Variants in ZFHX3 observed in about 807,000 individuals in gnomAD.
ZFHX3 encodes zinc finger homeobox protein 3.
Under a neutral mutation model 279.1 loss-of-function variants are expected in ZFHX3, and 42 were observed. That is an observed-to-expected ratio of 0.15 (90% CI 0.12 to 0.19). The LOEUF (loss-of-function observed/expected upper bound fraction) is 0.19. Among genes scored for constraint, ZFHX3 ranks in the 10% least tolerant of loss-of-function variants. The pLI, the probability that ZFHX3 is intolerant of heterozygous loss-of-function variation, is 1.00. For synonymous variants in ZFHX3, 2,293 were observed against 1,957.8 expected, an observed-to-expected ratio of 1.17 and a Z score of -4.52; for missense variants, 4,981 against 4,754.0, an observed-to-expected ratio of 1.05 and a Z score of -1.40.
intron 3 of ZFHX3, among the ~76,000 whole-genome samples, chr16:72,903,076 T>G (rs886592081): frequency 4.8e-5 from 7 of 145,700 alleles, no homozygotes; most frequent in Non-Finnish European, 1.1e-4. Flanking sequence ...GAGAGGGCTC[T>G]ATGGGGAACC....
chr16:72,926,167 T>C (rs186592936), intron 3 of ZFHX3, among the ~76,000 whole-genome samples: 8 of 152,358 alleles, frequency 5.3e-5, no homozygotes, highest in African/African-American at 1.9e-4. Context: ...TTATGGGTCA[T>C]GATTATTCTA....
At chr16:73,839,399 T>C (rs192970651) in intron 1 of ZFHX3, among the ~76,000 whole-genome samples, 13 of 143,364 alleles carry the variant, frequency 9.1e-5, no homozygotes, top group African/African-American at 3.4e-4. Context: ...ATTGAGATTA[T>C]GCTTTGGAGT....
intron 4 of ZFHX3, among the ~76,000 whole-genome samples, chr16:72,844,823 T>C (rs1158126327): frequency 6.6e-6 from 1 of 152,138 alleles, no homozygotes; most frequent in Non-Finnish European, 1.5e-5. Flanking sequence ...TGGCTCTGTG[T>C]CGAATGAGAG....
chr16:72,888,817 G>C (rs977793275), intron 4 of ZFHX3, among the ~76,000 whole-genome samples: 3 of 152,220 alleles, frequency 2.0e-5, no homozygotes, highest in Non-Finnish European at 4.4e-5. Context: ...GTAGGAGGTT[G>C]AGACATGGAA....
intron 3 of ZFHX3, chr16:73,455,987 C>T (rs1308562727): frequency 6.6e-6 from 1 of 152,106 alleles, no homozygotes. Flanking sequence ...GAACCCGAAG[C>T]AGAAATATCC....
At chr16:73,315,775 C>A (rs2015431742) in intron 4 of ZFHX3, among the ~76,000 whole-genome samples, 1 of 152,220 alleles carries the variant, frequency 6.6e-6, no homozygotes, top group Non-Finnish European at 1.5e-5. Context: ...TATGCATCAA[C>A]ATACACTCAA....
chr16:73,538,966 T>C (rs1475433205), intron 2 of ZFHX3, among the ~76,000 whole-genome samples: 2 of 152,102 alleles, frequency 1.3e-5, no homozygotes, highest in Non-Finnish European at 2.9e-5. Flanking sequence ...GCAGAAACAA[T>C]ACCTGTAACA....
At chr16:73,248,672 C>A (rs1016864327) in intron 5 of ZFHX3, among the ~76,000 whole-genome samples, 5 of 132,006 alleles carry the variant, frequency 3.8e-5, no homozygotes, top group Middle Eastern at 3.6e-3. Context: ...TGTGCACGTG[C>A]ACGTGTGTGT....
intron 1 of ZFHX3, among the ~76,000 whole-genome samples, chr16:72,968,179 A>C (rs1370065038): frequency 6.6e-6 from 1 of 151,954 alleles, no homozygotes; most frequent in Non-Finnish European, 1.5e-5. Context: ...TGTTCCTGTC[A>C]AAAACGCACA....
chr16:73,781,830 T>C (rs146240912), intron 1 of ZFHX3, among the ~76,000 whole-genome samples: 4,529 of 152,098 alleles, frequency 0.03, 246 homozygotes, highest in African/African-American at 0.1. Flanking sequence ...CTACTAAAAA[T>C]ACAAAAATTA....
chr16:73,325,483 G>A, intron 3 of ZFHX3, among the ~76,000 whole-genome samples: 1 of 152,178 alleles, frequency 6.6e-6, no homozygotes, highest in East Asian at 1.9e-4. Flanking sequence ...GCTTTCCACA[G>A]GGGAGGTGGC....
At chr16:72,850,905 A>T (rs1374746495) in intron 4 of ZFHX3, among the ~76,000 whole-genome samples, 1 of 152,020 alleles carries the variant, frequency 6.6e-6, no homozygotes, top group African/African-American at 2.4e-5. Context: ...AGGGGGTGCA[A>T]GCAACGAAAA....
At chr16:73,091,110 C>A (rs1966074672) in intron 8 of ZFHX3, among the ~76,000 whole-genome samples, 1 of 151,204 alleles carries the variant, frequency 6.6e-6, no homozygotes, top group African/African-American at 2.4e-5. Context: ...ACTCGGGAGG[C>A]TGAGGCAAAA....
rs186640909 is a variant in ZFHX3 at position 72,957,863 on chromosome 16, C to G, written c.2283G>C (p.Gly761=). The G allele has an allele frequency of 7.2e-5, 117 of 1,614,058 alleles. No homozygotes were observed. The highest frequency in any genetic ancestry group is 3.3e-4 in the Middle Eastern group (2 of 6,062). The change falls in exon 2 of 10, where the codon GGG becomes GGC. Residue 761 remains glycine, a synonymous_variant. Coordinates refer to ENST00000268489, the MANE Select transcript of ZFHX3 (RefSeq NM_006885.4). ...CAGTGTGGCTGAAGACCTGCTCCCCCCCTCCATTCTGCAGGTTCTGCATGT... is the reference window on the plus strand; with the variant it reads ...CAGTGTGGCTGAAGACCTGCTCCCCGCCTCCATTCTGCAGGTTCTGCATGT... ...LNNMQNLQNG[G]GEQVFSHTAG...
chr16:73,887,653 AT>A (rs113762947), intron 1 of ZFHX3, among the ~76,000 whole-genome samples: 20 of 151,600 alleles, frequency 1.3e-4, no homozygotes, highest in Admixed American at 5.9e-4. Flanking sequence ...AAACCAAAAA[AT>A]TTAAAAAAAA....
chr16:73,192,619 G>A lies in ZFHX3; in HGVS notation c.-1103-48788C>T, dbSNP rs571053674. On this transcript the variant is annotated intron_variant, in intron 5 of 17. Transcript: ENST00000641206. ...AGGCCTAGAAAAAGACTTCTTGGAT[G>A]GCTCCTCTGTGCTAGGTCCAAGTGA... 1.5e-4 allele frequency among the ~76,000 whole-genome samples: 23 copies of A among 152,286 alleles called. No individual in the cohort carries two copies. In the South Asian group the frequency reaches 4.8e-3, roughly 32 times the overall value.
Position 73,501,192 on chromosome 16 carries a change from C to T in ZFHX3, c.-1546-44934G>A, listed in dbSNP as rs1431295939. Among the ~76,000 whole-genome samples, 3 of 152,218 alleles carry T rather than the reference C, an allele frequency of 2.0e-5. No individual in the cohort carries two copies. In the East Asian group the frequency reaches 5.8e-4, roughly 29 times the overall value. The stretch of plus-strand genomic sequence containing the variant: ...AGGTTTATAGCCCAGGAGCAATAGG[C>T]TAAACCACATAGCCTAGGCGTGTAG... On this transcript the variant is annotated intron_variant, in intron 2 of 17. Coordinates refer to the ZFHX3 transcript ENST00000641206.
intron 5 of ZFHX3, among the ~76,000 whole-genome samples, chr16:73,253,919 A>G (rs1168595179): frequency 6.6e-6 from 1 of 152,278 alleles, no homozygotes; most frequent in East Asian, 1.9e-4. Context: ...ACTAAGAGAA[A>G]AAAAATTGCC....
chr16:73,459,194 C>T (rs937554092), intron 2 of ZFHX3, among the ~76,000 whole-genome samples: 1 of 152,154 alleles, frequency 6.6e-6, no homozygotes, highest in Non-Finnish European at 1.5e-5. Context: ...AAAAACTAAC[C>T]TTTTTATTTT....
Sources: allele counts gnomAD v4.1 joint callset (sites outside exome capture counted in the v4.1 genomes callset), GRCh38; gene constraint gnomAD v4.1.1; transcripts MANE v1.5; gene names NCBI Gene and HGNC (gene_info 2026-07-23, HGNC 2026-07-21).